The following PPP1R12A variants were observed in gnomAD, a reference collection of about 807,000 sequenced individuals.
PPP1R12A encodes protein phosphatase 1 regulatory subunit 12A, also known as myosin binding subunit.
PPP1R12A carries 19 observed loss-of-function variants against 139.6 expected under a neutral mutation model. The observed-to-expected ratio is 0.14, with a 90% CI of 0.09 to 0.20. PPP1R12A has a LOEUF of 0.20. PPP1R12A is among the 10% of genes least tolerant of loss of function. The pLI is 1.00. For missense variants in PPP1R12A, 925 were observed against 1,211.5 expected, an observed-to-expected ratio of 0.76 and a Z score of 3.51; for synonymous variants, 427 against 420.6, an observed-to-expected ratio of 1.02 and a Z score of -0.19.
chr12:79,913,340 G>C (rs929589197), intron 1 of PPP1R12A, among the ~76,000 whole-genome samples: 3 of 152,152 alleles, frequency 2.0e-5, no homozygotes, highest in Non-Finnish European at 4.4e-5. Context: ...TTCACATTTA[G>C]ATCTACAATC....
At chr12:79,866,405 G>C (rs1392783446) in intron 2 of PPP1R12A, among the ~76,000 whole-genome samples, 1 of 152,170 alleles carries the variant, frequency 6.6e-6, no homozygotes, top group African/African-American at 2.4e-5. Flanking sequence ...TCAGGACATA[G>C]GCATGGGCAA....
intron 22 of PPP1R12A, 143 bp from the exon 23 acceptor site, chr12:79,782,005 G>T: frequency 2.2e-6 from 1 of 451,924 alleles, no homozygotes; most frequent in East Asian, 3.4e-5. Context: ...AGAGAAAACA[G>T]GATTTGTATT....
intron 2 of PPP1R12A, among the ~76,000 whole-genome samples, chr12:79,857,865 G>A (rs1405587099): frequency 6.6e-6 from 1 of 152,106 alleles, no homozygotes; most frequent in Non-Finnish European, 1.5e-5. Flanking sequence ...TCTCAAGAAT[G>A]AGAGTTCAGT....
intron 4 of PPP1R12A, 46 bp from the exon 5 acceptor site, chr12:79,828,510 A>T: frequency 7.1e-7 from 1 of 1,403,824 alleles, no homozygotes; most frequent in Non-Finnish European, 9.7e-7. Flanking sequence ...ATCTAGAAAT[A>T]AATGATCATG....
upstream of PPP1R12A, chr12:79,935,110 C>A: frequency 7.3e-7 from 1 of 1,369,714 alleles, no homozygotes; most frequent in Non-Finnish European, 9.4e-7. Flanking sequence ...GGCGGCGCAC[C>A]CGGCCGAGCG....
intron 23 of PPP1R12A, chr12:79,779,516 A>G: frequency 2.2e-6 from 1 of 460,594 alleles, no homozygotes; most frequent in Non-Finnish European, 3.9e-6. Flanking sequence ...ACAGAATCCT[A>G]CTGATCGTCT....
intron 1 of PPP1R12A, among the ~76,000 whole-genome samples, chr12:79,905,017 C>A (rs565597266): frequency 2.6e-5 from 4 of 152,162 alleles, no homozygotes; most frequent in Non-Finnish European, 2.9e-5. Flanking sequence ...TCTATTTTAA[C>A]ACTTTATATT....
At position 79,775,734 on chromosome 12, in the gene PPP1R12A, A is replaced by T. The variant is rs893939203; in HGVS notation, c.*195T>A. ...GTCTTGATTAAAAAAAAAAAACAAA[A>T]AACAAACCAACAACAACAAAAACAC... On this transcript the variant is annotated 3_prime_UTR_variant, in exon 25 of 25. Coordinates refer to ENST00000450142, the MANE Select transcript of PPP1R12A (RefSeq NM_002480.3). 1.7e-5 allele frequency: 7 copies of T among 401,890 alleles called. No individual in the cohort carries two copies. Among genetic ancestry groups the T allele is most frequent in the Non-Finnish European group, 3.1e-5 (7 of 226,758 alleles). 24.9% of individuals were successfully genotyped at this position (401,890 alleles called of 1,614,324 possible). A position where few individuals can be genotyped will look rare whatever the true frequency, so the allele number is the denominator to read the frequency against.
intron 1 of PPP1R12A, among the ~76,000 whole-genome samples, chr12:79,874,121 C>T (rs1882861757): frequency 6.6e-6 from 1 of 151,766 alleles, no homozygotes; most frequent in South Asian, 2.1e-4. Context: ...ATTAAAAGTA[C>T]AAAAATTAGC....
At position 79,845,400 on chromosome 12, in the gene PPP1R12A, G is replaced by A; in HGVS notation, c.389C>T (p.Ala130Val). 2 of 1,612,372 alleles carry A rather than the reference G, an allele frequency of 1.2e-6. No individual in the cohort carries two copies. The highest frequency in any genetic ancestry group is 1.7e-6 in the Non-Finnish European group (2 of 1,179,024). ...TTCACTGTTGACAGCCCCTACATGT[G>A]CTCCTTGACCAATCAAAAACCTGTA... is the stretch of plus-strand genomic sequence containing the variant. The part of the protein sequence containing the change: ...DIAEFLIGQG[A>V]HVGAVNSEGD... The change falls in exon 3 of 25, where the codon GCA (alanine) becomes GTA (valine). Residue 130 changes from alanine (A) to valine (V), a missense_variant. Coordinates refer to ENST00000450142, the MANE Select transcript of PPP1R12A (RefSeq NM_002480.3).
chr12:79,867,740 G>A (rs548053257), intron 2 of PPP1R12A, among the ~76,000 whole-genome samples: 8 of 152,272 alleles, frequency 5.3e-5, no homozygotes, highest in African/African-American at 1.9e-4. Context: ...AACCCAGAGG[G>A]AGGTAATTGA....
chr12:79,801,063 T>A (rs1873075555), intron 14 of PPP1R12A, among the ~76,000 whole-genome samples: 1 of 150,766 alleles, frequency 6.6e-6, no homozygotes, highest in Non-Finnish European at 1.5e-5. Context: ...GGCTCTTTCT[T>A]GGCTGGGCGC....
In PPP1R12A at chr12:79,846,665, G is replaced by C. The variant is rs557978114; in HGVS notation, c.369-1245C>G. Among the ~76,000 whole-genome samples, 437 of 148,094 alleles carry C rather than the reference G, an allele frequency of 3.0e-3. 2 individuals carry two copies. The highest frequency in any genetic ancestry group is 4.4e-3 in the Non-Finnish European group (298 of 67,544). On this transcript the variant is annotated intron_variant, in intron 2 of 24. Coordinates refer to ENST00000450142, the MANE Select transcript of PPP1R12A (RefSeq NM_002480.3). ...ACCGTGGTCTCAATCTCCTGACCTC[G>C]TGATCCGCCTGCCTCGGCCTCCCAA...
chr12:79,848,430 T>C (rs1023698203), intron 2 of PPP1R12A, among the ~76,000 whole-genome samples: 3 of 152,030 alleles, frequency 2.0e-5, no homozygotes, highest in East Asian at 1.9e-4. Context: ...GATACAAAGA[T>C]TGAGAATAAA....
chr12:79,889,236 G>A, intron 1 of PPP1R12A, among the ~76,000 whole-genome samples: 1 of 152,144 alleles, frequency 6.6e-6, no homozygotes. Context: ...TGGCAATTGT[G>A]ACAGAACATG....
intron 22 of PPP1R12A, among the ~76,000 whole-genome samples, chr12:79,784,731 G>A (rs1339913152): frequency 1.3e-5 from 2 of 151,988 alleles, no homozygotes; most frequent in Non-Finnish European, 2.9e-5. Flanking sequence ...TCCACCTCCC[G>A]GGTTCAAGCA....
At chr12:79,927,718 A>G (rs991005695) in intron 1 of PPP1R12A, among the ~76,000 whole-genome samples, 1 of 152,250 alleles carries the variant, frequency 6.6e-6, no homozygotes, top group Admixed American at 6.5e-5. Context: ...CAAGTGAAAA[A>G]GCATGTTGTG....
intron 2 of PPP1R12A, among the ~76,000 whole-genome samples, chr12:79,869,438 T>C (rs978187661): frequency 1.3e-5 from 2 of 152,196 alleles, no homozygotes; most frequent in African/African-American, 4.8e-5. Context: ...TAAATGCAGT[T>C]AGTAAAGAAG....
chr12:79,866,920 A>G (rs1490145032), intron 2 of PPP1R12A, among the ~76,000 whole-genome samples: 2 of 152,224 alleles, frequency 1.3e-5, no homozygotes, highest in Admixed American at 1.3e-4. Context: ...GCGATTCCGC[A>G]AGGATCTAGA....
Sources: allele counts gnomAD v4.1 joint callset (sites outside exome capture counted in the v4.1 genomes callset), GRCh38; gene constraint gnomAD v4.1.1; transcripts MANE v1.5; gene names NCBI Gene and HGNC (gene_info 2026-07-23, HGNC 2026-07-21).